Variants in CNTNAP2 observed in about 807,000 individuals in gnomAD.
CNTNAP2 encodes contactin associated protein 2.
In CNTNAP2, 98 loss-of-function variants were observed where a neutral mutation model predicts 155.2. The observed-to-expected ratio is 0.63, with a 90% CI of 0.54 to 0.75. The LOEUF (loss-of-function observed/expected upper bound fraction) is 0.75. Ranked by LOEUF, CNTNAP2 falls within the 30% of genes least tolerant of loss-of-function variation. The probability of loss-of-function intolerance (pLI) is 0.00; values close to 1 mark genes in which losing one functional copy is unlikely to be tolerated. For missense variants in CNTNAP2, 1,727 were observed against 1,688.1 expected (o/e 1.02, Z -0.40); for synonymous variants, 651 against 631.2 (o/e 1.03, Z -0.47).
chr7:147,366,406 T>G (rs1404711), intron 9 of CNTNAP2, among the ~76,000 whole-genome samples: 35,195 of 151,890 alleles, frequency 0.23, 4,426 homozygotes, highest in Non-Finnish European at 0.28. Flanking sequence ...TTTTTCATAA[T>G]TTTCATAAAA....
chr7:148,003,314 C>T (rs751169152), intron 15 of CNTNAP2, among the ~76,000 whole-genome samples: 3 of 152,186 alleles, frequency 2.0e-5, no homozygotes, highest in Non-Finnish European at 4.4e-5. Context: ...TTCCAAGGTA[C>T]TTCTCCCAGC....
chr7:146,229,161 T>TGTC (rs1799343215), intron 1 of CNTNAP2, among the ~76,000 whole-genome samples: 1 of 152,160 alleles, frequency 6.6e-6, no homozygotes, highest in East Asian at 1.9e-4. Flanking sequence ...TTAAAAAATA[T>TGTC]TCAATGAATT....
chr7:147,127,358 T>G (rs1801261755), intron 6 of CNTNAP2, among the ~76,000 whole-genome samples: 1 of 152,126 alleles, frequency 6.6e-6, no homozygotes, highest in Non-Finnish European at 1.5e-5. Context: ...TAATAATTGA[T>G]TTTATTGTAA....
intron 3 of CNTNAP2, among the ~76,000 whole-genome samples, chr7:146,995,915 G>A: frequency 6.6e-6 from 1 of 151,930 alleles, no homozygotes; most frequent in South Asian, 2.1e-4. Flanking sequence ...TGTTGTCTGT[G>A]TTTTTGGAGG....
At chr7:146,546,971 G>A (rs186399155) in intron 1 of CNTNAP2, among the ~76,000 whole-genome samples, 3 of 152,036 alleles carry the variant, frequency 2.0e-5, no homozygotes, top group Non-Finnish European at 4.4e-5. Context: ...ACAGTAATAG[G>A]TATCTCTGTT....
At chr7:146,578,348 T>C (rs1050095800) in intron 1 of CNTNAP2, among the ~76,000 whole-genome samples, 1 of 152,160 alleles carries the variant, frequency 6.6e-6, no homozygotes, top group Non-Finnish European at 1.5e-5. Context: ...ACTCAATATT[T>C]AATTTCTTAT....
chr7:147,207,177 C>T (rs1317828705), intron 8 of CNTNAP2, among the ~76,000 whole-genome samples: 1 of 152,008 alleles, frequency 6.6e-6, no homozygotes, highest in African/African-American at 2.4e-5. Context: ...TCTCTGGCTC[C>T]CAGCCTTTTA....
At chr7:148,132,716 A>C (rs1019116817) in intron 16 of CNTNAP2, among the ~76,000 whole-genome samples, 1 of 152,174 alleles carries the variant, frequency 6.6e-6, no homozygotes, top group Non-Finnish European at 1.5e-5. Context: ...GAAAGTTTTT[A>C]TTTGCCTTTT....
chr7:148,122,158 A>G (rs1170156719), intron 16 of CNTNAP2, among the ~76,000 whole-genome samples: 1 of 152,220 alleles, frequency 6.6e-6, no homozygotes, highest in Non-Finnish European at 1.5e-5. Context: ...AAACGAGGAA[A>G]CTGAGGCACA....
At chr7:148,036,589 G>T (rs1049727829) in intron 15 of CNTNAP2, among the ~76,000 whole-genome samples, 1 of 151,936 alleles carries the variant, frequency 6.6e-6, no homozygotes, top group South Asian at 2.1e-4. Context: ...GATGTCCCAG[G>T]CTCCAAAGGG....
chr7:146,176,692 A>T (rs1798475878), intron 1 of CNTNAP2, among the ~76,000 whole-genome samples: 1 of 152,172 alleles, frequency 6.6e-6, no homozygotes, highest in Non-Finnish European at 1.5e-5. Flanking sequence ...AATAGAAATG[A>T]TACGGCTAAG....
At chr7:148,337,353 G>A (rs904832474) in intron 21 of CNTNAP2, among the ~76,000 whole-genome samples, 10 of 152,040 alleles carry the variant, frequency 6.6e-5, no homozygotes, top group East Asian at 3.9e-4. Flanking sequence ...TCCCTGAGCC[G>A]GGAGGACTTT....
chr7:147,058,381 T>C (rs1799602147), intron 4 of CNTNAP2, among the ~76,000 whole-genome samples: 1 of 152,212 alleles, frequency 6.6e-6, no homozygotes, highest in Admixed American at 6.5e-5. Context: ...TAGTATGTTC[T>C]ATAGAGTATA....
chr7:147,907,490 C>CTT (rs1024077099), intron 14 of CNTNAP2, among the ~76,000 whole-genome samples: 1 of 152,060 alleles, frequency 6.6e-6, no homozygotes, highest in Non-Finnish European at 1.5e-5. Flanking sequence ...TATGTGGATG[C>CTT]TTTAGATATT....
In CNTNAP2 at chr7:147,637,147, G is replaced by T. The variant is rs181229132; in HGVS notation, c.1898-1959G>T. ...CTTGACTTCTACTGGAACAAGACCC[G>T]CTGCCATTGAAGGCTTTGAGCAGAG... On this transcript the variant is annotated intron_variant, in intron 12 of 23. Transcript: ENST00000361727. Among the ~76,000 whole-genome samples the T allele has an allele frequency of 3.8e-4, 58 of 152,260 alleles. 1 individual carries two copies. Among genetic ancestry groups the T allele is most frequent in the Non-Finnish European group, 2.9e-4 (20 of 68,018 alleles).
chr7:146,651,111 T>C (rs962146170), intron 1 of CNTNAP2, among the ~76,000 whole-genome samples: 1 of 152,070 alleles, frequency 6.6e-6, no homozygotes, highest in Admixed American at 6.6e-5. Flanking sequence ...TCAGGGAGAA[T>C]TCTAAACCCT....
chr7:147,532,737 G>T (rs568746782), intron 11 of CNTNAP2, among the ~76,000 whole-genome samples: 2 of 152,272 alleles, frequency 1.3e-5, no homozygotes, highest in African/African-American at 4.8e-5. Flanking sequence ...CACTTCTTAC[G>T]TGGCAGCAGC....
At chr7:147,897,037 A>G (rs745421500) in intron 13 of CNTNAP2, 1 of 152,182 alleles carries the variant, frequency 6.6e-6, no homozygotes, top group Non-Finnish European at 1.5e-5. Context: ...TTCAACAATG[A>G]AACTTCCTTT....
Position 146,424,824 on chromosome 7 carries a change from G to C in CNTNAP2, c.97+307851G>C, listed in dbSNP as rs537809433. On this transcript the variant is annotated intron_variant, in intron 1 of 23. Coordinates refer to ENST00000361727, the MANE Select transcript of CNTNAP2 (RefSeq NM_014141.6). ...TTAAGGGAAGGGCTCAGAGAGAGTA[G>C]AGCCAACATGAACAGCAAATCTGTT... Among the ~76,000 whole-genome samples the C allele has an allele frequency of 1.5e-4, 23 of 152,170 alleles. No individual in the cohort carries two copies. In the East Asian group the frequency reaches 3.5e-3, roughly 23 times the overall value.
Sources: allele counts gnomAD v4.1 joint callset (sites outside exome capture counted in the v4.1 genomes callset), GRCh38; gene constraint gnomAD v4.1.1; transcripts MANE v1.5; gene names NCBI Gene and HGNC (gene_info 2026-07-23, HGNC 2026-07-21).